Variants in PPFIBP2 observed in about 807,000 individuals in gnomAD.
PPFIBP2 encodes the protein liprin-beta-2.
A neutral mutation model predicts 118.3 loss-of-function variants in PPFIBP2; 118 were observed. The ratio of observed to expected loss-of-function variants is 1.00; its 90% CI spans 0.86 to 1.16. The LOEUF is 1.16. PPFIBP2 is among the 50% of genes most tolerant of loss of function. The probability of loss-of-function intolerance (pLI) is 0.00; values close to 1 mark genes in which losing one functional copy is unlikely to be tolerated. For synonymous variants in PPFIBP2, 414 were observed against 397.4 expected, an observed-to-expected ratio of 1.04 and a Z score of -0.50; for missense variants, 1,195 against 1,073.1, an observed-to-expected ratio of 1.11 and a Z score of -1.59.
downstream of PPFIBP2, among the ~76,000 whole-genome samples, chr11:7,654,075 G>A (rs986970083): frequency 1.3e-5 from 2 of 152,162 alleles, no homozygotes; most frequent in Non-Finnish European, 2.9e-5. Context: ...AGTGGCATGA[G>A]CCCCCCCAGT....
At chr11:7,517,807 A>G (rs926827583) in intron 1 of PPFIBP2, among the ~76,000 whole-genome samples, 3 of 152,208 alleles carry the variant, frequency 2.0e-5, no homozygotes, top group African/African-American at 7.2e-5. Flanking sequence ...CATCCATTCC[A>G]GGGCACCATC....
intron 15 of PPFIBP2, among the ~76,000 whole-genome samples, chr11:7,640,722 C>T (rs1179198799): frequency 1.3e-5 from 2 of 152,200 alleles, no homozygotes; most frequent in African/African-American, 2.4e-5. Context: ...GGCACCTGCA[C>T]AAGAGCTGCC....
At chr11:7,572,205 C>A (rs1564987299) in intron 3 of PPFIBP2, among the ~76,000 whole-genome samples, 1 of 152,070 alleles carries the variant, frequency 6.6e-6, no homozygotes, top group Non-Finnish European at 1.5e-5. Context: ...AGTAGGTTGG[C>A]CCCTTCCATT....
chr11:7,570,499 A>G (rs984692142), intron 3 of PPFIBP2, among the ~76,000 whole-genome samples: 6 of 152,210 alleles, frequency 3.9e-5, no homozygotes, highest in Non-Finnish European at 7.3e-5. Context: ...GAAGCCAGAG[A>G]AAGGGCAGGC....
chr11:7,560,529 GTTAT>G (rs1337836894), intron 2 of PPFIBP2, among the ~76,000 whole-genome samples: 2 of 152,122 alleles, frequency 1.3e-5, no homozygotes, highest in African/African-American at 4.8e-5. Context: ...TCTTTCAGAA[GTTAT>G]TTAAACATTC....
At chr11:7,632,681 G>T (rs573543087) in intron 11 of PPFIBP2, 186 bp from the exon 12 acceptor site, 8 of 532,172 alleles carry the variant, frequency 1.5e-5, no homozygotes, top group Non-Finnish European at 2.8e-5. Context: ...GGCCCAGATG[G>T]ACTGATAAGC....
At chr11:7,573,414 T>C (rs374896180) in intron 3 of PPFIBP2, among the ~76,000 whole-genome samples, 1 of 152,248 alleles carries the variant, frequency 6.6e-6, no homozygotes, top group East Asian at 1.9e-4. Context: ...GGGAAAATAA[T>C]ATAAAATTCA....
At chr11:7,617,373 C>G (rs1848784273) in intron 6 of PPFIBP2, 1 of 899,816 alleles carries the variant, frequency 1.1e-6, no homozygotes, top group East Asian at 1.2e-4. Context: ...TTTCTCCTAA[C>G]CAGAACAGAG....
In PPFIBP2 at chr11:7,562,932, TATATATATATATATATATATATA is replaced by T. The variant is rs1854474089; in HGVS notation, c.65-2620_65-2598del. 1.9e-3 allele frequency among the ~76,000 whole-genome samples: 7 copies of T among 3,634 alleles called. No homozygotes were observed. In the South Asian group the frequency reaches 0.02, roughly 10 times the overall value. 2.4% of individuals were successfully genotyped at this position (3,634 alleles called of 152,430 possible). A position where few individuals can be genotyped will look rare whatever the true frequency, so the allele number is the denominator to read the frequency against. On this transcript the variant is annotated intron_variant, in intron 2 of 23. Transcript: ENST00000299492. ...CAAAGAAATAGAAATTAAAGTTTTA[TATATATATATATATATATATATA>T]TATATATATATATATATATATACAC...
At chr11:7,514,843 T>G (rs1481748960) in intron 1 of PPFIBP2, among the ~76,000 whole-genome samples, 3 of 152,216 alleles carry the variant, frequency 2.0e-5, no homozygotes, top group Non-Finnish European at 2.9e-5. Flanking sequence ...TTAATCTTCT[T>G]AAAAAACGAA....
intron 5 of PPFIBP2, chr11:7,598,167 A>T (rs529436838): frequency 1.2e-5 from 2 of 170,552 alleles, no homozygotes; most frequent in African/African-American, 4.8e-5. Context: ...GTTCCCTACC[A>T]TTCAAATAAT....
At chr11:7,630,273 TC>T (rs1299506745) in intron 10 of PPFIBP2, among the ~76,000 whole-genome samples, 2 of 152,232 alleles carry the variant, frequency 1.3e-5, no homozygotes, top group African/African-American at 4.8e-5. Flanking sequence ...GACTGACTGG[TC>T]ACTGGCCAGG....
chr11:7,653,938 G>A (rs1156852659), downstream of PPFIBP2, among the ~76,000 whole-genome samples: 8 of 152,156 alleles, frequency 5.3e-5, no homozygotes, highest in Admixed American at 3.3e-4. Context: ...ATAGCCTTCA[G>A]AGGAGGTCCG....
intron 8 of PPFIBP2, 53 bp from the exon 9 acceptor site, chr11:7,628,232 G>A: frequency 6.7e-7 from 1 of 1,488,278 alleles, no homozygotes; most frequent in Non-Finnish European, 9.3e-7. Context: ...AGCAAGTGCG[G>A]ATAGCTGTCT....
At chr11:7,629,744 CT>C (rs968469617) in intron 10 of PPFIBP2, among the ~76,000 whole-genome samples, 2 of 152,204 alleles carry the variant, frequency 1.3e-5, no homozygotes, top group African/African-American at 4.8e-5. Flanking sequence ...AGCTTAGGGC[CT>C]TCAGGGACTA....
chr11:7,642,394 C>T lies in PPFIBP2; in HGVS notation c.1614C>T (p.Leu538=), dbSNP rs1294175455. 3 of 1,614,000 alleles carry T rather than the reference C, an allele frequency of 1.9e-6. No individual in the cohort carries two copies. The highest frequency in any genetic ancestry group is 2.2e-5 in the East Asian group (1 of 44,890). ...TCCGGGCAACCGCAGGGCCAAGACT[C>T]TCTAGGACCAGGGACTCCAAGGGAC... ...GGLRATAGPR[L]SRTRDSKGQK... The change falls in exon 17 of 24, where the codon CTC becomes CTT. Residue 538 remains leucine, a synonymous_variant. Coordinates refer to ENST00000299492, the MANE Select transcript of PPFIBP2 (RefSeq NM_003621.5).
chr11:7,664,094 A>AAATC, the PPFIBP2 span, among the ~76,000 whole-genome samples: 1 of 152,180 alleles, frequency 6.6e-6, no homozygotes, highest in Non-Finnish European at 1.5e-5. Flanking sequence ...GGAAATGCAG[A>AAATC]AATCACCGTC....
chr11:7,597,166 G>GGACCGCTCTTCCACAC, intron 4 of PPFIBP2: 1 of 1,457,292 alleles, frequency 6.9e-7, no homozygotes, highest in Non-Finnish European at 9.0e-7. Context: ...CATGAAGTTT[G>GGACCGCTCTTCCACAC]GACCGCTCTT....
At chr11:7,654,355 T>C (rs1457656568), downstream of PPFIBP2, among the ~76,000 whole-genome samples, 3 of 152,204 alleles carry the variant, frequency 2.0e-5, no homozygotes, top group Non-Finnish European at 2.9e-5. Context: ...CAGAAGACTC[T>C]AGTTTGCCCC....
Sources: gnomAD v4.1 joint callset for allele counts (sites outside exome capture counted in the v4.1 genomes callset) on GRCh38, gnomAD v4.1.1 for gene constraint, MANE v1.5 for transcripts, NCBI Gene and HGNC (gene_info 2026-07-23, HGNC 2026-07-21) for gene names.